NRG3: variants seen among roughly 807,000 people sequenced by gnomAD.
NRG3 encodes pro-neuregulin-3, membrane-bound isoform.
NRG3 carries 31 observed loss-of-function variants against 66.9 expected under a neutral mutation model. The ratio of observed to expected loss-of-function variants is 0.46; its 90% confidence interval spans 0.35 to 0.63. The LOEUF is 0.63. Ranked by LOEUF, NRG3 falls within the 20% of genes least tolerant of loss-of-function variation. The probability of loss-of-function intolerance (pLI) is 0.00; values close to 1 mark genes in which losing one functional copy is unlikely to be tolerated. For missense variants in NRG3, 910 were observed against 878.9 expected, an observed-to-expected ratio of 1.04 and a Z score of -0.45; for synonymous variants, 393 against 359.4, an observed-to-expected ratio of 1.09 and a Z score of -1.06.
chr10:82,317,020 G>T (rs1282006419), intron 1 of NRG3, among the ~76,000 whole-genome samples: 2 of 152,126 alleles, frequency 1.3e-5, no homozygotes, highest in African/African-American at 4.8e-5. Context: ...CAATCAGCTG[G>T]TTGTGACCTG....
chr10:82,294,598 A>G lies in NRG3; in HGVS notation c.824-64141A>G, dbSNP rs568282488. Among the ~76,000 whole-genome samples the G allele has an allele frequency of 3.3e-5, 5 of 152,274 alleles. No individual in the cohort carries two copies. In the East Asian group the frequency reaches 7.7e-4, roughly 24 times the overall value. On this transcript the variant is annotated intron_variant, in intron 1 of 8. Transcript: ENST00000372141. ...CCTCTTTCTTGTTACATATAAAGAC[A>G]ATGCACTTTAAATACTACTTTAAAA... is the stretch of plus-strand genomic sequence containing the variant.
intron 4 of NRG3, among the ~76,000 whole-genome samples, chr10:82,930,670 G>A (rs1444305867): frequency 6.6e-6 from 1 of 152,226 alleles, no homozygotes; most frequent in Non-Finnish European, 1.5e-5. Context: ...TTCTTTTAGG[G>A]TATAGGAACA....
At chr10:82,302,908 C>T (rs1025401889) in intron 1 of NRG3, among the ~76,000 whole-genome samples, 9 of 152,152 alleles carry the variant, frequency 5.9e-5, no homozygotes, top group Non-Finnish European at 8.8e-5. Context: ...ATTCTTAAGG[C>T]ACTGGTGTCA....
At chr10:82,300,940 G>A (rs1167884951) in intron 1 of NRG3, among the ~76,000 whole-genome samples, 1 of 151,534 alleles carries the variant, frequency 6.6e-6, no homozygotes, top group Non-Finnish European at 1.5e-5. Flanking sequence ...AATTCAGCCT[G>A]GGCAACCTAC....
intron 1 of NRG3, among the ~76,000 whole-genome samples, chr10:82,347,682 T>A (rs895951408): frequency 6.6e-6 from 1 of 152,132 alleles, no homozygotes; most frequent in Non-Finnish European, 1.5e-5. Context: ...AAGTCTCCCA[T>A]TATTATTGTG....
At chr10:82,628,019 C>T (rs193280365) in intron 2 of NRG3, among the ~76,000 whole-genome samples, 2 of 152,256 alleles carry the variant, frequency 1.3e-5, no homozygotes, top group Admixed American at 1.3e-4. Flanking sequence ...GAAACAAAGA[C>T]GCTTTACAAA....
intron 1 of NRG3, among the ~76,000 whole-genome samples, chr10:82,047,054 G>T (rs1228619431): frequency 2.2e-4 from 33 of 151,658 alleles, no homozygotes; most frequent in Non-Finnish European, 1.5e-5. Flanking sequence ...TCTCTGCCAG[G>T]CTTTGGTATC....
intron 1 of NRG3, among the ~76,000 whole-genome samples, chr10:81,926,942 T>C (rs942671273): frequency 2.6e-5 from 4 of 152,160 alleles, no homozygotes; most frequent in African/African-American, 9.7e-5. Context: ...TAAGATAAAG[T>C]GCATAAAGGG....
At chr10:82,626,194 T>A (rs2049407986) in intron 2 of NRG3, among the ~76,000 whole-genome samples, 1 of 152,180 alleles carries the variant, frequency 6.6e-6, no homozygotes, top group Admixed American at 6.6e-5. Flanking sequence ...AATGAGATCC[T>A]TGCACTTTTA....
chr10:82,722,506 G>A (rs968393745), intron 2 of NRG3, among the ~76,000 whole-genome samples: 2 of 151,966 alleles, frequency 1.3e-5, no homozygotes, highest in African/African-American at 4.8e-5. Flanking sequence ...GTATTTTTTA[G>A]TTTTAAAAAT....
At chr10:82,272,831 T>A (rs1017263856) in intron 1 of NRG3, among the ~76,000 whole-genome samples, 3 of 152,082 alleles carry the variant, frequency 2.0e-5, no homozygotes, top group Non-Finnish European at 4.4e-5. Flanking sequence ...CGTAGAGATT[T>A]TGATAAATTG....
chr10:82,747,524 A>T (rs948749597), intron 3 of NRG3, among the ~76,000 whole-genome samples: 1 of 152,028 alleles, frequency 6.6e-6, no homozygotes, highest in Non-Finnish European at 1.5e-5. Flanking sequence ...ATTAATTGCT[A>T]CTTGTACAGG....
At chr10:81,976,604 A>G (rs1296986977) in intron 1 of NRG3, among the ~76,000 whole-genome samples, 5 of 152,230 alleles carry the variant, frequency 3.3e-5, no homozygotes. Flanking sequence ...AGAACGTGAC[A>G]TGACACACCA....
intron 2 of NRG3, among the ~76,000 whole-genome samples, chr10:82,715,878 C>G (rs2056943404): frequency 6.6e-6 from 1 of 152,084 alleles, no homozygotes; most frequent in Non-Finnish European, 1.5e-5. Context: ...AGGCTGCAGA[C>G]TACCAACTTC....
At chr10:82,785,215 GA>G (rs1227583423) in intron 3 of NRG3, among the ~76,000 whole-genome samples, 1 of 147,726 alleles carries the variant, frequency 6.8e-6, no homozygotes, top group African/African-American at 2.5e-5. Context: ...GGGGTAGGGG[GA>G]AGGGGGAGGG....
At chr10:82,581,941 A>G (rs1354870799) in intron 2 of NRG3, among the ~76,000 whole-genome samples, 1 of 151,830 alleles carries the variant, frequency 6.6e-6, no homozygotes, top group Admixed American at 6.6e-5. Flanking sequence ...TTGCATAGAG[A>G]TGTTCAGTTG....
intron 2 of NRG3, among the ~76,000 whole-genome samples, chr10:82,677,060 C>G (rs892439179): frequency 2.1e-5 from 3 of 143,428 alleles, no homozygotes; most frequent in Non-Finnish European, 4.5e-5. Flanking sequence ...CTCTCTCTCT[C>G]TCTTTTTTTT....
intron 1 of NRG3, among the ~76,000 whole-genome samples, chr10:82,321,295 CA>C (rs1257270434): frequency 5.2e-5 from 6 of 115,478 alleles, no homozygotes; most frequent in East Asian, 3.3e-4. Flanking sequence ...CATCCTGTGG[CA>C]GGGGTGGGGG....
At chr10:82,743,294 G>A (rs529515944) in intron 3 of NRG3, among the ~76,000 whole-genome samples, 3 of 152,132 alleles carry the variant, frequency 2.0e-5, no homozygotes, top group African/African-American at 4.8e-5. Context: ...ACTTCGATTC[G>A]CACTTTGTTT....
Sources: allele counts gnomAD v4.1 joint callset (sites outside exome capture counted in the v4.1 genomes callset), GRCh38; gene constraint gnomAD v4.1.1; transcripts MANE v1.5; gene names NCBI Gene and HGNC (gene_info 2026-07-23, HGNC 2026-07-21).